DIPK1A: variants seen among roughly 807,000 people sequenced by gnomAD.
DIPK1A encodes divergent protein kinase domain 1A, also known as family with sequence similarity 69 member A.
Under a neutral mutation model 40.8 loss-of-function variants are expected in DIPK1A, and 27 were observed. The ratio of observed to expected loss-of-function variants is 0.66; its 90% CI spans 0.49 to 0.91. The LOEUF (loss-of-function observed/expected upper bound fraction) is 0.91. Among genes scored for constraint, DIPK1A ranks in the 40% least tolerant of loss-of-function variants. DIPK1A has a pLI of 0.00. For synonymous variants in DIPK1A, 166 were observed against 171.3 expected (o/e 0.97, Z 0.24); for missense variants, 412 against 505.7 (o/e 0.81, Z 1.78).
chr1:92,846,714 GA>G, intron 4 of DIPK1A: 1 of 226,560 alleles, frequency 4.4e-6, no homozygotes, highest in Non-Finnish European at 8.6e-6. Flanking sequence ...CTGCAACCTC[GA>G]CCTCCCAGGC....
chr1:92,906,046 T>A (rs1230633375), intron 1 of DIPK1A, among the ~76,000 whole-genome samples: 3 of 152,174 alleles, frequency 2.0e-5, no homozygotes, highest in Admixed American at 2.0e-4. Flanking sequence ...TAATTCTAAG[T>A]CAAGTAATGT....
At position 92,847,275 on chromosome 1, in the gene DIPK1A, A is replaced by G. The variant is rs1364874643; in HGVS notation, c.382T>C (p.Leu128=). ...QALHLDFGTE[L]EPRKEIVLFD... is the part of the protein sequence containing the mutation. ...AGCACTATTTCTTTTCTTGGTTCCAATTCAGTTCCAAAATCAAGATGAAGC... is the reference window on the plus strand; with the variant it reads ...AGCACTATTTCTTTTCTTGGTTCCAGTTCAGTTCCAAAATCAAGATGAAGC... Residue 128 remains leucine (L), a synonymous_variant, in exon 4 of 5, where the codon TTG becomes CTG. Coordinates refer to ENST00000370310, the MANE Select transcript of DIPK1A (RefSeq NM_001006605.5). The G allele has an allele frequency of 2.5e-6, 4 of 1,612,580 alleles. No homozygotes were observed. Among genetic ancestry groups the G allele is most frequent in the Admixed American group, 3.3e-5 (2 of 59,884 alleles).
intron 2 of DIPK1A, among the ~76,000 whole-genome samples, chr1:92,853,073 A>C (rs1316956845): frequency 3.3e-5 from 5 of 152,058 alleles, no homozygotes; most frequent in East Asian, 1.9e-4. Context: ...ACAACAAAAA[A>C]CTTTGGAGGA....
At chr1:92,851,695 A>G (rs1049101938) in intron 2 of DIPK1A, among the ~76,000 whole-genome samples, 4 of 152,142 alleles carry the variant, frequency 2.6e-5, no homozygotes, top group Non-Finnish European at 4.4e-5. Context: ...TATGGTACCA[A>G]TGAAACCCTA....
At chr1:92,872,029 G>C (rs994294415) in intron 2 of DIPK1A, among the ~76,000 whole-genome samples, 5 of 143,378 alleles carry the variant, frequency 3.5e-5, no homozygotes, top group Non-Finnish European at 7.6e-5. Flanking sequence ...AACAATTTGA[G>C]AACCCTCCAT....
At chr1:92,876,773 T>C (rs1648150353) in intron 1 of DIPK1A, among the ~76,000 whole-genome samples, 1 of 152,174 alleles carries the variant, frequency 6.6e-6, no homozygotes, top group Non-Finnish European at 1.5e-5. Flanking sequence ...CAATTCCTAT[T>C]TACTAGAAGC....
intron 1 of DIPK1A, among the ~76,000 whole-genome samples, chr1:92,905,108 A>G (rs1366467701): frequency 6.6e-6 from 1 of 152,176 alleles, no homozygotes; most frequent in East Asian, 1.9e-4. Context: ...TAGTGCTACA[A>G]TCTAATGGGA....
intron 1 of DIPK1A, chr1:92,933,109 A>T (rs1365226710): frequency 6.6e-6 from 1 of 152,146 alleles, no homozygotes; most frequent in Non-Finnish European, 1.5e-5. Flanking sequence ...TATATTTTTT[A>T]AAATATGAAA....
intron 2 of DIPK1A, among the ~76,000 whole-genome samples, chr1:92,872,682 ATCAGGAGC>A (rs1191556757): frequency 1.3e-5 from 2 of 152,176 alleles, no homozygotes; most frequent in Non-Finnish European, 2.9e-5. Context: ...CCTTAACAAA[ATCAGGAGC>A]TGTTTGAAGT....
chr1:92,858,029 T>C (rs1489886597), intron 2 of DIPK1A, among the ~76,000 whole-genome samples: 3 of 152,170 alleles, frequency 2.0e-5, no homozygotes, highest in African/African-American at 7.2e-5. Context: ...CCTGAGGACT[T>C]TGTACAATGC....
rs146600814 is a variant in DIPK1A at position 92,876,450 on chromosome 1, T to C, written c.55-20A>G. ...GCGAGCCTGTGAGTAAAAAAGAACATAACGATCATTCATTCAGCACCAAAT... is the reference window on the plus strand; with the variant it reads ...GCGAGCCTGTGAGTAAAAAAGAACACAACGATCATTCATTCAGCACCAAAT... On this transcript the variant is annotated intron_variant, in intron 1 of 4. Transcript: ENST00000370310. The C allele has an allele frequency of 2.3e-4, 365 of 1,610,390 alleles. 1 individual carries two copies. In the African/African-American group the frequency reaches 4.0e-3, roughly 18 times the overall value.
intron 1 of DIPK1A, among the ~76,000 whole-genome samples, chr1:92,907,798 G>A (rs1649681351): frequency 6.6e-6 from 1 of 151,874 alleles, no homozygotes; most frequent in Admixed American, 6.6e-5. Context: ...TGTCAAAGCT[G>A]AACAAACTGT....
chr1:92,864,455 C>T (rs1647439446), intron 2 of DIPK1A, among the ~76,000 whole-genome samples: 1 of 151,960 alleles, frequency 6.6e-6, no homozygotes, highest in Admixed American at 6.6e-5. Context: ...TCATTATTAC[C>T]CAGGTAGAAA....
At chr1:92,892,731 G>A (rs879574794) in intron 1 of DIPK1A, among the ~76,000 whole-genome samples, 8 of 152,014 alleles carry the variant, frequency 5.3e-5, no homozygotes, top group Non-Finnish European at 1.0e-4. Context: ...CGAACCCATG[G>A]CAAAGAAGTT....
At chr1:92,851,053 A>C in intron 2 of DIPK1A, 98 bp from the exon 3 acceptor site, 2 of 756,316 alleles carry the variant, frequency 2.6e-6, no homozygotes, top group Non-Finnish European at 4.3e-6. Context: ...TTCTATGACA[A>C]AAAGAACTGA....
intron 1 of DIPK1A, among the ~76,000 whole-genome samples, chr1:92,907,448 A>C (rs1045467385): frequency 6.6e-6 from 1 of 152,096 alleles, no homozygotes; most frequent in Non-Finnish European, 1.5e-5. Context: ...TAATTAAAAA[A>C]AGTTTTTTAG....
At chr1:92,884,158 G>C (rs1648498227) in intron 1 of DIPK1A, among the ~76,000 whole-genome samples, 1 of 152,068 alleles carries the variant, frequency 6.6e-6, no homozygotes, top group Non-Finnish European at 1.5e-5. Context: ...CAAAGTATTA[G>C]AAATTGTTCA....
At chr1:92,841,718 ATTCTC>A, downstream of DIPK1A, 6 of 1,194,346 alleles carry the variant, frequency 5.0e-6, no homozygotes, top group Non-Finnish European at 7.2e-6. Context: ...TAAATATTCT[ATTCTC>A]TTCAGTTATA....
intron 1 of DIPK1A, among the ~76,000 whole-genome samples, chr1:92,879,042 T>C (rs1279723860): frequency 1.3e-5 from 2 of 151,414 alleles, no homozygotes; most frequent in African/African-American, 2.4e-5. Context: ...TAGCCAAGCA[T>C]AGTGGCTCAT....
Sources: gnomAD v4.1 joint callset for allele counts (sites outside exome capture counted in the v4.1 genomes callset) on GRCh38, gnomAD v4.1.1 for gene constraint, MANE v1.5 for transcripts, NCBI Gene and HGNC (gene_info 2026-07-23, HGNC 2026-07-21) for gene names.